TET3: variants seen among roughly 807,000 people sequenced by gnomAD.
TET3 encodes tet methylcytosine dioxygenase 3.
In TET3, 19 loss-of-function variants were observed where a neutral mutation model predicts 141.4. The observed-to-expected ratio is 0.13, with a 90% CI of 0.09 to 0.20. The LOEUF is 0.20. Ranked by LOEUF, TET3 falls within the 10% of genes least tolerant of loss-of-function variation. The probability of loss-of-function intolerance (pLI) is 1.00; values close to 1 mark genes in which losing one functional copy is unlikely to be tolerated. For synonymous variants in TET3, 1,043 were observed against 980.9 expected, an observed-to-expected ratio of 1.06 and a Z score of -1.18; for missense variants, 1,874 against 2,356.9, an observed-to-expected ratio of 0.80 and a Z score of 4.24.
Position 74,105,297 on chromosome 2 carries a change from C to T in TET3, c.*3121C>T, listed in dbSNP as rs552410718. 2.5e-6 allele frequency: 1 copy of T among 398,636 alleles called. No homozygotes were observed. Among genetic ancestry groups the T allele is most frequent in the Non-Finnish European group, 4.4e-6 (1 of 226,076 alleles). 24.7% of individuals were successfully genotyped at this position (398,636 alleles called of 1,614,324 possible). ...GGACACCATCCACGTGCAGTGCAAACATTTGGTTCCTTTTCTGCTCTGTTT... is the reference window on the plus strand; with the variant it reads ...GGACACCATCCACGTGCAGTGCAAATATTTGGTTCCTTTTCTGCTCTGTTT... On this transcript the variant is annotated 3_prime_UTR_variant, in exon 12 of 12. Transcript: ENST00000409262.
intron 4 of TET3, among the ~76,000 whole-genome samples, chr2:74,065,479 C>A (rs990771368): frequency 1.3e-5 from 2 of 152,056 alleles, no homozygotes; most frequent in African/African-American, 4.8e-5. Flanking sequence ...CAAGAAATAT[C>A]CAGGGCACAT....
rs756621139 is a variant in TET3 at position 74,101,744 on chromosome 2, C to T, written c.4956C>T (p.Gly1652=). Residue 1652 remains glycine, a synonymous_variant, in exon 12 of 12, where the codon GGC becomes GGT. Coordinates refer to ENST00000409262, the MANE Select transcript of TET3 (RefSeq NM_001287491.2). The surrounding 1 kb of genome is among the most constrained non-coding windows in gnomAD (Gnocchi z 8.5). ...SEHNFLDENI[G]GVAVAPAHGS... The stretch of plus-strand genomic sequence containing the variant: ...ACAACTTCCTGGACGAGAACATCGG[C>T]GGCGTGGCCGTGGCCCCAGCCCACG... 55 of 1,613,072 alleles carry T rather than the reference C, an allele frequency of 3.4e-5. No homozygotes were observed. The highest frequency in any genetic ancestry group is 1.6e-4 in the Middle Eastern group (1 of 6,084).
intron 4 of TET3, among the ~76,000 whole-genome samples, chr2:74,067,729 A>G (rs1688987239): frequency 6.6e-6 from 1 of 152,192 alleles, no homozygotes; most frequent in East Asian, 1.9e-4. Context: ...GGGAAAAAAA[A>G]TGAGTTTTTC....
chr2:74,076,260 G>T (rs750424045), intron 5 of TET3, among the ~76,000 whole-genome samples: 2 of 151,826 alleles, frequency 1.3e-5, no homozygotes, highest in African/African-American at 4.8e-5. Flanking sequence ...AGGAATACTT[G>T]TGTTTTTCCT....
chr2:74,096,748 A>T (rs921404031), intron 10 of TET3, among the ~76,000 whole-genome samples: 2 of 149,606 alleles, frequency 1.3e-5, no homozygotes, highest in African/African-American at 4.9e-5. Flanking sequence ...AGCCTGTGCA[A>T]TAAGAGCAAA....
the TET3 span, chr2:74,121,867 GCA>G: frequency 1.3e-5 from 2 of 152,388 alleles, no homozygotes; most frequent in South Asian, 2.1e-4. Flanking sequence ...ATGTGGTGGT[GCA>G]CACCTGTAAT....
At chr2:74,052,336 A>G (rs1370780747) in intron 4 of TET3, among the ~76,000 whole-genome samples, 2 of 152,148 alleles carry the variant, frequency 1.3e-5, no homozygotes, top group Non-Finnish European at 2.9e-5. Context: ...GGCTCAGAAC[A>G]AGGCTTAGAA....
At chr2:74,032,876 C>T (rs956693246) in intron 3 of TET3, among the ~76,000 whole-genome samples, 5 of 151,754 alleles carry the variant, frequency 3.3e-5, no homozygotes, top group Admixed American at 1.3e-4. Context: ...AGTTCTGGTC[C>T]GAGAACAGCA....
In TET3 at chr2:74,107,235, GCTGCAGGCAAGAGC is replaced by G. The variant is rs1482469239; in HGVS notation, c.*5060_*5073del. ...TGCTCCCAGCCCTTCCTCCTGCAGA[GCTGCAGGCAAGAGC>G]AGAGCAATAGGCTTCTCCCCTGAGC... On this transcript the variant is annotated 3_prime_UTR_variant, in exon 12 of 12. Transcript: ENST00000409262. 6.6e-6 allele frequency: 1 copy of G among 152,348 alleles called. No individual in the cohort carries two copies. Among genetic ancestry groups the G allele is most frequent in the East Asian group, 1.9e-4 (1 of 5,200 alleles). The allele number at this position is 152,348 out of a possible 1,614,324, so 9.4% of individuals were successfully genotyped here.
intron 2 of TET3, among the ~76,000 whole-genome samples, chr2:73,995,085 A>G (rs1183990304): frequency 1.3e-5 from 2 of 151,922 alleles, no homozygotes; most frequent in South Asian, 4.2e-4. Context: ...TCAGCCTCCC[A>G]GGTAGCTGGG....
chr2:73,997,433 A>C (rs1270944159), intron 2 of TET3, among the ~76,000 whole-genome samples: 1 of 152,190 alleles, frequency 6.6e-6, no homozygotes, highest in Admixed American at 6.5e-5. Context: ...GAGGGACGGC[A>C]GACTCTTACT....
intron 3 of TET3, among the ~76,000 whole-genome samples, chr2:74,037,339 TAG>T (rs1687124817): frequency 6.6e-6 from 1 of 152,210 alleles, no homozygotes; most frequent in Non-Finnish European, 1.5e-5. Flanking sequence ...CATTTGCTAT[TAG>T]AGAGAGTGGG....
chr2:74,008,431 G>A (rs1177255508), intron 3 of TET3, among the ~76,000 whole-genome samples: 3 of 152,214 alleles, frequency 2.0e-5, no homozygotes, highest in African/African-American at 7.2e-5. Context: ...CAAGTCTCCT[G>A]TAGATGCTGG....
At chr2:74,007,703 T>C (rs894384960) in intron 3 of TET3, among the ~76,000 whole-genome samples, 3 of 151,976 alleles carry the variant, frequency 2.0e-5, no homozygotes, top group Non-Finnish European at 4.4e-5. Flanking sequence ...CATGGGGAGG[T>C]CACTTACTGT....
intron 3 of TET3, among the ~76,000 whole-genome samples, chr2:74,011,053 T>C (rs1280132044): frequency 6.6e-6 from 1 of 151,744 alleles, no homozygotes; most frequent in Non-Finnish European, 1.5e-5. Context: ...CTGGCCAACA[T>C]GGAGAAACCC....
At chr2:74,080,901 G>T (rs1393849261) in intron 6 of TET3, among the ~76,000 whole-genome samples, 1 of 152,176 alleles carries the variant, frequency 6.6e-6, no homozygotes, top group Non-Finnish European at 1.5e-5. Context: ...CTGTCCCCGT[G>T]GCTCAGGGCC....
Position 74,036,665 on chromosome 2 carries a change from G to A in TET3, c.361-9613G>A, listed in dbSNP as rs117639190. Among the ~76,000 whole-genome samples the A allele has an allele frequency of 5.8e-3, 876 of 152,338 alleles. 57 individuals are homozygous for A. In the East Asian group the frequency reaches 0.13, roughly 22 times the overall value. On this transcript the variant is annotated intron_variant, in intron 3 of 11. Coordinates refer to ENST00000409262, the MANE Select transcript of TET3 (RefSeq NM_001287491.2). ...TCTGATCTCCACCTTGGAGGAGCCT[G>A]TGGTGATTAAATGAGATAAGTGAAT...
Position 74,099,348 on chromosome 2 carries a change from C to T in TET3, c.3340C>T (p.Pro1114Ser). ...IPEDEQLHVL[P>S]LYKMANTDEF... ...CGAGGATGAGCAGCTGCATGTTCTC[C>T]CCCTGTACAAGATGGCCAACACGGA... is the stretch of plus-strand genomic sequence containing the variant. Residue 1114 changes from proline to serine, a missense_variant, in exon 11 of 12, where the codon CCC (proline) becomes TCC (serine). This residue lies in a region of TET3 where 53 missense variants were observed against 112.8 expected (regional missense o/e 0.47). Transcript: ENST00000409262. 1 of 1,613,602 alleles carries T rather than the reference C, an allele frequency of 6.2e-7. No individual in the cohort carries two copies. The highest frequency in any genetic ancestry group is 8.5e-7 in the Non-Finnish European group (1 of 1,179,768).
intron 3 of TET3, among the ~76,000 whole-genome samples, chr2:74,043,765 C>T (rs1465341302): frequency 6.6e-6 from 1 of 152,218 alleles, no homozygotes; most frequent in South Asian, 2.1e-4. Context: ...TGCTAACCTC[C>T]CACAGAGCTC....
Sources: allele counts gnomAD v4.1 joint callset (sites outside exome capture counted in the v4.1 genomes callset), GRCh38; gene constraint gnomAD v4.1.1; regional missense constraint gnomAD v4.1.1; non-coding constraint Gnocchi (gnomAD v3.1); transcripts MANE v1.5; gene names NCBI Gene and HGNC (gene_info 2026-07-23, HGNC 2026-07-21).